EPHA6: variants seen among roughly 807,000 people sequenced by gnomAD.
EPHA6 encodes the protein ephrin type-A receptor 6.
A neutral mutation model predicts 112.0 loss-of-function variants in EPHA6; 50 were observed. The ratio of observed to expected loss-of-function variants is 0.45; its 90% CI spans 0.36 to 0.56. The LOEUF (loss-of-function observed/expected upper bound fraction) is 0.56. EPHA6 is among the 20% of genes least tolerant of loss of function. The pLI is 0.00. For synonymous variants in EPHA6, 529 were observed against 490.7 expected (o/e 1.08, Z -1.03); for missense variants, 1,280 against 1,417.4 (o/e 0.90, Z 1.56).
chr3:96,880,327 A>G (rs2037236813), intron 2 of EPHA6, among the ~76,000 whole-genome samples: 1 of 152,056 alleles, frequency 6.6e-6, no homozygotes, highest in African/African-American at 2.4e-5. Flanking sequence ...TACTTAAAGT[A>G]TCACAAATCT....
rs186685596 is a variant in EPHA6, at chr3:96,893,840, G to T, written c.450+26951G>T. ...GATGCTGAATTTACTGCTAGCTCTG[G>T]GTTGTTTAAATGATTCAAGAATTGA... is the stretch of plus-strand genomic sequence containing the variant. On this transcript the variant is annotated intron_variant, in intron 2 of 17. Coordinates refer to ENST00000389672, the MANE Select transcript of EPHA6 (RefSeq NM_001080448.3). Among the ~76,000 whole-genome samples the T allele has an allele frequency of 3.5e-4, 54 of 152,270 alleles. No individual in the cohort carries two copies. In the East Asian group the frequency reaches 0.01, roughly 29 times the overall value.
At chr3:97,492,358 C>T (rs753483833) in intron 10 of EPHA6, among the ~76,000 whole-genome samples, 28 of 151,216 alleles carry the variant, frequency 1.9e-4, no homozygotes, top group Non-Finnish European at 3.1e-4. Context: ...GCCTGGCCAA[C>T]GTGGTAAAAC....
At chr3:97,677,541 C>T (rs568971015) in intron 14 of EPHA6, among the ~76,000 whole-genome samples, 2 of 151,600 alleles carry the variant, frequency 1.3e-5, no homozygotes, top group Non-Finnish European at 2.9e-5. Context: ...GCCAACATGG[C>T]GAAACCTTGT....
intron 14 of EPHA6, among the ~76,000 whole-genome samples, chr3:97,705,486 C>T (rs1459683722): frequency 6.6e-6 from 1 of 152,188 alleles, no homozygotes; most frequent in Non-Finnish European, 1.5e-5. Context: ...CTCTAACATT[C>T]ATTTAACCAA....
chr3:97,494,339 G>A (rs1239018184), intron 10 of EPHA6, among the ~76,000 whole-genome samples: 1 of 152,154 alleles, frequency 6.6e-6, no homozygotes, highest in Non-Finnish European at 1.5e-5. Flanking sequence ...TTTCCTCGCA[G>A]TAAGTGACAC....
At chr3:97,250,299 A>C (rs548517256) in intron 5 of EPHA6, among the ~76,000 whole-genome samples, 1 of 152,144 alleles carries the variant, frequency 6.6e-6, no homozygotes, top group Admixed American at 6.5e-5. Context: ...TTTAATAGCA[A>C]TTTTTCTCCG....
chr3:97,327,844 T>C (rs867889790), intron 5 of EPHA6, among the ~76,000 whole-genome samples: 1 of 148,550 alleles, frequency 6.7e-6, no homozygotes. Context: ...TGTGTATATA[T>C]ATATATATGT....
intron 13 of EPHA6, among the ~76,000 whole-genome samples, chr3:97,625,008 T>C (rs960649347): frequency 6.6e-6 from 1 of 151,616 alleles, no homozygotes; most frequent in Non-Finnish European, 1.5e-5. Flanking sequence ...CTTTTGGTTT[T>C]GTGGATTTTC....
At chr3:97,220,473 T>G (rs2078161194) in intron 3 of EPHA6, among the ~76,000 whole-genome samples, 1 of 152,208 alleles carries the variant, frequency 6.6e-6, no homozygotes, top group Non-Finnish European at 1.5e-5. Context: ...GAGGTTTAAT[T>G]GACCACCAGT....
intron 11 of EPHA6, among the ~76,000 whole-genome samples, chr3:97,568,379 C>T (rs1049507080): frequency 2.6e-5 from 4 of 152,100 alleles, no homozygotes; most frequent in South Asian, 4.1e-4. Flanking sequence ...AACATGACAC[C>T]CTGGCTTATA....
chr3:97,187,692 A>AG (rs2077183447), intron 3 of EPHA6, among the ~76,000 whole-genome samples: 1 of 63,740 alleles, frequency 1.6e-5, no homozygotes, highest in Non-Finnish European at 3.6e-5. Flanking sequence ...AAAGAAGGAA[A>AG]GAAAGAAAGA....
At chr3:97,050,922 C>A (rs889408250) in intron 3 of EPHA6, among the ~76,000 whole-genome samples, 1 of 152,102 alleles carries the variant, frequency 6.6e-6, no homozygotes, top group Admixed American at 6.6e-5. Context: ...CCTTGGAATT[C>A]ACTCACTAAA....
In EPHA6 at chr3:97,498,592, G is replaced by T. The variant is rs2092040871; in HGVS notation, c.2200+14533G>T. Among the ~76,000 whole-genome samples the T allele has an allele frequency of 2.6e-5, 4 of 152,124 alleles. No individual in the cohort carries two copies. In the South Asian group the frequency reaches 6.2e-4, roughly 24 times the overall value. On this transcript the variant is annotated intron_variant, in intron 10 of 17. Transcript: ENST00000389672. ...TATTTGATGTATTGGCCTGGTAAGGGTCACTTGTTGGTTGATGGAACAAAT... is the reference window on the plus strand; with the variant it reads ...TATTTGATGTATTGGCCTGGTAAGGTTCACTTGTTGGTTGATGGAACAAAT...
intron 2 of EPHA6, among the ~76,000 whole-genome samples, chr3:96,922,757 A>T (rs2107633614): frequency 6.6e-6 from 1 of 152,116 alleles, no homozygotes; most frequent in East Asian, 1.9e-4. Flanking sequence ...TCACCTATGT[A>T]TTAAGCCCAG....
At chr3:97,066,827 T>C (rs2046193011) in intron 3 of EPHA6, among the ~76,000 whole-genome samples, 1 of 152,172 alleles carries the variant, frequency 6.6e-6, no homozygotes, top group Admixed American at 6.6e-5. Flanking sequence ...CACTAAATGT[T>C]CCTTGAGTAT....
intron 12 of EPHA6, among the ~76,000 whole-genome samples, chr3:97,598,668 T>C (rs1327764469): frequency 2.6e-5 from 4 of 151,848 alleles, no homozygotes; most frequent in Non-Finnish European, 4.4e-5. Flanking sequence ...TCTATCATTG[T>C]TGGACATTTG....
At chr3:97,245,141 AAGGCAG>A (rs2078951701) in intron 5 of EPHA6, among the ~76,000 whole-genome samples, 1 of 152,076 alleles carries the variant, frequency 6.6e-6, no homozygotes, top group Admixed American at 6.6e-5. Flanking sequence ...TTTGTTTGCT[AAGGCAG>A]CCATAACAAA....
At chr3:96,839,302 G>A (rs1291862745) in intron 1 of EPHA6, among the ~76,000 whole-genome samples, 2 of 151,422 alleles carry the variant, frequency 1.3e-5, no homozygotes, top group Non-Finnish European at 3.0e-5. Flanking sequence ...GATTCTCATA[G>A]GAGCGTGAAC....
chr3:97,283,058 T>C (rs2080342148), intron 5 of EPHA6, among the ~76,000 whole-genome samples: 1 of 152,198 alleles, frequency 6.6e-6, no homozygotes, highest in Non-Finnish European at 1.5e-5. Flanking sequence ...AGTAATTATA[T>C]AAACAAAGAA....
Sources: gnomAD v4.1 joint callset for allele counts (sites outside exome capture counted in the v4.1 genomes callset) on GRCh38, gnomAD v4.1.1 for gene constraint, MANE v1.5 for transcripts, NCBI Gene and HGNC (gene_info 2026-07-23, HGNC 2026-07-21) for gene names.